The following CCDC7 variants were observed in gnomAD, a reference collection of about 807,000 sequenced individuals.
The protein encoded by CCDC7 is coiled-coil domain containing 7.
CCDC7 carries 183 observed loss-of-function variants against 196.9 expected under a neutral mutation model. The ratio of observed to expected loss-of-function variants is 0.93; its 90% CI spans 0.82 to 1.05. CCDC7 has a LOEUF of 1.05. Among genes scored for constraint, CCDC7 ranks in the 50% least tolerant of loss-of-function variants. The pLI, the probability that CCDC7 is intolerant of heterozygous loss-of-function variation, is 0.00. For missense variants in CCDC7, 1,540 were observed against 1,482.2 expected (o/e 1.04, Z -0.64); for synonymous variants, 525 against 484.6 (o/e 1.08, Z -1.10).
intron 28 of CCDC7, among the ~76,000 whole-genome samples, chr10:32,738,088 C>G (rs1320644149): frequency 6.6e-6 from 1 of 152,036 alleles, no homozygotes; most frequent in African/African-American, 2.4e-5. Context: ...TGTCCTAGTT[C>G]TTTGTTTCTT....
intron 32 of CCDC7, among the ~76,000 whole-genome samples, chr10:32,827,673 T>C (rs2091342998): frequency 6.6e-6 from 1 of 151,790 alleles, no homozygotes; most frequent in African/African-American, 2.4e-5. Context: ...AGGTATAGCG[T>C]TGGGAGAAAT....
intron 2 of CCDC7, among the ~76,000 whole-genome samples, chr10:32,455,666 A>G (rs1240723990): frequency 6.6e-6 from 1 of 152,058 alleles, no homozygotes; most frequent in East Asian, 1.9e-4. Flanking sequence ...ATGGAGAACC[A>G]CTCTATGAAA....
At position 32,869,052 on chromosome 10, in the gene CCDC7, AGC is replaced by A. The variant is rs552920732; in HGVS notation, c.4112-7294_4112-7293del. 2.4e-3 allele frequency among the ~76,000 whole-genome samples: 360 copies of A among 152,302 alleles called. 2 individuals carry two copies. The highest frequency in any genetic ancestry group is 8.2e-3 in the African/African-American group (342 of 41,568). On this transcript the variant is annotated intron_variant, in intron 41 of 41. Coordinates refer to ENST00000639629, the Ensembl canonical transcript of CCDC7. ...ATACGCGTGCATGTGTCTTTATAGC[AGC>A]ATGATTTATAATCCTTTGGGTATAT...
At chr10:32,727,516 A>G (rs551109341) in intron 26 of CCDC7, among the ~76,000 whole-genome samples, 59 of 152,206 alleles carry the variant, frequency 3.9e-4, no homozygotes, top group African/African-American at 1.3e-3. Context: ...GTAACACTTC[A>G]TTAATCATAG....
At chr10:32,561,570 A>T (rs1017429182) in intron 13 of CCDC7, among the ~76,000 whole-genome samples, 8 of 152,338 alleles carry the variant, frequency 5.3e-5, no homozygotes, top group Middle Eastern at 3.4e-3. Flanking sequence ...TAACGAAATG[A>T]AGGCAGAGAT....
chr10:32,759,369 G>C (rs1427530452), intron 28 of CCDC7, among the ~76,000 whole-genome samples: 1 of 152,024 alleles, frequency 6.6e-6, no homozygotes, highest in Non-Finnish European at 1.5e-5. Context: ...GTAACCAAAA[G>C]AGCATGGTAC....
At chr10:32,710,894 C>G (rs1179750462) in intron 24 of CCDC7, among the ~76,000 whole-genome samples, 1 of 152,116 alleles carries the variant, frequency 6.6e-6, no homozygotes, top group African/African-American at 2.4e-5. Context: ...CTTACTGCAA[C>G]AACATAAGCA....
intron 33 of CCDC7, among the ~76,000 whole-genome samples, chr10:32,837,935 G>A (rs543096302): frequency 7.7e-6 from 1 of 129,792 alleles, no homozygotes; most frequent in East Asian, 2.7e-4. Flanking sequence ...TGGGGTCGGG[G>A]GAGGGGGGAG....
chr10:32,461,977 G>C (rs1036501764), intron 3 of CCDC7, among the ~76,000 whole-genome samples: 3 of 151,564 alleles, frequency 2.0e-5, no homozygotes, highest in Admixed American at 6.6e-5. Context: ...TCTCCATGTT[G>C]GTCAGGCTGG....
intron 13 of CCDC7, among the ~76,000 whole-genome samples, chr10:32,565,012 T>A (rs1273842521): frequency 6.6e-6 from 1 of 152,122 alleles, no homozygotes; most frequent in Non-Finnish European, 1.5e-5. Context: ...CAAATCTGCC[T>A]ACTCTTGATT....
intron 41 of CCDC7, among the ~76,000 whole-genome samples, chr10:32,858,740 T>C (rs1380104218): frequency 1.3e-5 from 2 of 150,808 alleles, no homozygotes; most frequent in African/African-American, 4.9e-5. Flanking sequence ...TCCAAGCAAA[T>C]GGAAAGCAAA....
intron 29 of CCDC7, among the ~76,000 whole-genome samples, chr10:32,782,573 C>T (rs2081236692): frequency 6.6e-6 from 1 of 152,178 alleles, no homozygotes; most frequent in African/African-American, 2.4e-5. Flanking sequence ...AAGTGATCTA[C>T]ACCTTCAATG....
intron 18 of CCDC7, among the ~76,000 whole-genome samples, chr10:32,599,471 A>T (rs958976922): frequency 3.3e-5 from 5 of 152,026 alleles, no homozygotes; most frequent in African/African-American, 1.2e-4. Flanking sequence ...TGTTTTCAGT[A>T]TGTTTTAAGC....
chr10:32,648,019 T>C (rs1034955196), intron 20 of CCDC7, among the ~76,000 whole-genome samples: 1 of 152,230 alleles, frequency 6.6e-6, no homozygotes, highest in Non-Finnish European at 1.5e-5. Context: ...GTGATAGATA[T>C]GGGTTCAACT....
chr10:32,515,608 A>G (rs1237492986), intron 9 of CCDC7, among the ~76,000 whole-genome samples: 2 of 152,102 alleles, frequency 1.3e-5, no homozygotes, highest in African/African-American at 4.8e-5. Flanking sequence ...CAGTGGCACA[A>G]TCTTGGCTCA....
At chr10:32,541,144 G>A (rs887423906) in intron 11 of CCDC7, among the ~76,000 whole-genome samples, 15 of 151,820 alleles carry the variant, frequency 9.9e-5, no homozygotes, top group African/African-American at 3.6e-4. Flanking sequence ...CTGCCTTCTG[G>A]GTGTTTCCAG....
At chr10:32,832,091 A>G (rs781420786) in intron 32 of CCDC7, among the ~76,000 whole-genome samples, 8 of 152,104 alleles carry the variant, frequency 5.3e-5, no homozygotes, top group Non-Finnish European at 7.4e-5. Flanking sequence ...CTCCTTTACA[A>G]TCTTACGGAA....
At chr10:32,566,008 C>T (rs372134190) in intron 14 of CCDC7, among the ~76,000 whole-genome samples, 1 of 152,032 alleles carries the variant, frequency 6.6e-6, no homozygotes, top group East Asian at 1.9e-4. Flanking sequence ...TTGACTCTTA[C>T]TACTCTTTTT....
chr10:32,874,257 T>A (rs983766484), intron 41 of CCDC7, among the ~76,000 whole-genome samples: 5 of 151,142 alleles, frequency 3.3e-5, no homozygotes, highest in African/African-American at 1.2e-4. Context: ...TTAAAAGAAA[T>A]CACACATCTT....
Sources: gnomAD v4.1 joint callset for allele counts (sites outside exome capture counted in the v4.1 genomes callset) on GRCh38, gnomAD v4.1.1 for gene constraint, MANE v1.5 for transcripts, NCBI Gene and HGNC (gene_info 2026-07-23, HGNC 2026-07-21) for gene names.